The following HECW1 variants were observed in gnomAD, a reference collection of about 807,000 sequenced individuals.
HECW1 encodes the protein HECT, C2 and WW domain containing E3 ubiquitin protein ligase 1.
A neutral mutation model predicts 182.3 loss-of-function variants in HECW1; 61 were observed. That is an observed-to-expected ratio of 0.33 (90% CI 0.27 to 0.41). The LOEUF (loss-of-function observed/expected upper bound fraction) is 0.41, where lower values mean the gene tolerates loss of function less well. Among genes scored for constraint, HECW1 ranks in the 10% least tolerant of loss-of-function variants. HECW1 has a pLI of 1.00. For missense variants in HECW1, 1,739 were observed against 2,108.9 expected, an observed-to-expected ratio of 0.82 and a Z score of 3.44; for synonymous variants, 859 against 832.6, an observed-to-expected ratio of 1.03 and a Z score of -0.55.
chr7:43,132,894 G>C (rs10281837), intron 2 of HECW1, among the ~76,000 whole-genome samples: 49,326 of 151,882 alleles, frequency 0.32, 8,221 homozygotes, highest in Admixed American at 0.36. Context: ...TGAAAGAAGA[G>C]TTCTATTTAG....
chr7:43,511,509 T>TC (rs1415606961), intron 24 of HECW1: 1 of 152,206 alleles, frequency 6.6e-6, no homozygotes, highest in Non-Finnish European at 1.5e-5. Context: ...ATCATGACCC[T>TC]CCATGTGGAA....
intron 26 of HECW1, among the ~76,000 whole-genome samples, chr7:43,543,397 A>G (rs1413080770): frequency 6.6e-6 from 1 of 152,214 alleles, no homozygotes; most frequent in African/African-American, 2.4e-5. Context: ...CTGTAAAAAC[A>G]TGCCTCTGAA....
At chr7:43,501,182 T>G in intron 20 of HECW1, 31 bp from the exon 21 acceptor site, 1 of 1,207,582 alleles carries the variant, frequency 8.3e-7, no homozygotes, top group South Asian at 1.4e-5. Flanking sequence ...TTCTTTTCTT[T>G]CTTTTTTTTT....
chr7:43,501,829 T>TA (rs202125340), intron 21 of HECW1, among the ~76,000 whole-genome samples: 3,336 of 148,298 alleles, frequency 0.022, 100 homozygotes, highest in East Asian at 0.14. Context: ...AGTCCCTATC[T>TA]AAAAAAAAAT....
chr7:43,451,266 A>C (rs1476889171), intron 12 of HECW1, among the ~76,000 whole-genome samples: 1 of 152,248 alleles, frequency 6.6e-6, no homozygotes, highest in East Asian at 1.9e-4. Context: ...TTTTATATTT[A>C]AAATTTGCAG....
At chr7:43,430,593 C>T (rs898396202) in intron 8 of HECW1, among the ~76,000 whole-genome samples, 2 of 151,798 alleles carry the variant, frequency 1.3e-5, no homozygotes, top group Non-Finnish European at 2.9e-5. Flanking sequence ...CTGTTTAAGC[C>T]GATTTGTCTA....
At chr7:43,126,212 T>G (rs1248259051) in intron 2 of HECW1, among the ~76,000 whole-genome samples, 1 of 152,030 alleles carries the variant, frequency 6.6e-6, no homozygotes, top group Non-Finnish European at 1.5e-5. Context: ...CTATTTTCTC[T>G]TGTCCATAAA....
chr7:43,558,408 A>C (rs1040980823), intron 29 of HECW1, among the ~76,000 whole-genome samples: 1 of 152,220 alleles, frequency 6.6e-6, no homozygotes, highest in Non-Finnish European at 1.5e-5. Flanking sequence ...GCCCAGACCC[A>C]GGGTGGAGTT....
intron 2 of HECW1, among the ~76,000 whole-genome samples, chr7:43,186,382 C>A (rs538090450): frequency 6.6e-6 from 1 of 152,152 alleles, no homozygotes; most frequent in African/African-American, 2.4e-5. Flanking sequence ...GATTATGATA[C>A]CATGGCTGGG....
chr7:43,489,628 A>G (rs1227481487), intron 17 of HECW1, among the ~76,000 whole-genome samples: 5 of 152,262 alleles, frequency 3.3e-5, no homozygotes, highest in African/African-American at 7.2e-5. Context: ...ATGGGCAATA[A>G]GAAGGACCAG....
chr7:43,327,597 G>C (rs185244040), intron 5 of HECW1, among the ~76,000 whole-genome samples: 1 of 151,952 alleles, frequency 6.6e-6, no homozygotes, highest in Admixed American at 6.6e-5. Flanking sequence ...GTTATACCTC[G>C]TACTCATGTT....
At chr7:43,271,229 G>T (rs573891551) in intron 3 of HECW1, among the ~76,000 whole-genome samples, 1 of 152,114 alleles carries the variant, frequency 6.6e-6, no homozygotes, top group Non-Finnish European at 1.5e-5. Flanking sequence ...GAACATTAAT[G>T]TATGTTTAAA....
intron 2 of HECW1, among the ~76,000 whole-genome samples, chr7:43,211,373 G>C (rs1795992569): frequency 6.6e-6 from 1 of 152,188 alleles, no homozygotes; most frequent in Non-Finnish European, 1.5e-5. Flanking sequence ...TCTCCTCCGT[G>C]AATGAATGAA....
chr7:43,131,315 T>G (rs1365936483), intron 2 of HECW1, among the ~76,000 whole-genome samples: 3 of 152,288 alleles, frequency 2.0e-5, no homozygotes, highest in African/African-American at 2.4e-5. Context: ...GTGAAAAGTA[T>G]TATTAACTTC....
chr7:43,168,761 A>T (rs1791387249), intron 2 of HECW1, among the ~76,000 whole-genome samples: 1 of 152,226 alleles, frequency 6.6e-6, no homozygotes, highest in African/African-American at 2.4e-5. Context: ...TGAACAGGCA[A>T]TTCACAGAGG....
rs762465599 is a variant in HECW1, at chr7:43,492,164, T to C, written c.3324T>C (p.His1108=). 1.9e-6 allele frequency: 3 copies of C among 1,602,100 alleles called. No homozygotes were observed. The change falls in exon 18 of 30, where the codon CAT becomes CAC. Residue 1108 remains histidine, a synonymous_variant. Transcript: ENST00000395891. ...LVAAIRSQHQ[H]ESLPLAYNDK... ...CTGCTATTCGAAGCCAACATCAACA[T>C]GAGTCATTGCCACTGGGTATGTATC...
intron 29 of HECW1, among the ~76,000 whole-genome samples, chr7:43,559,116 C>T (rs2082126808): frequency 6.6e-6 from 1 of 152,022 alleles, no homozygotes; most frequent in African/African-American, 2.4e-5. Context: ...TTTCTTTGGC[C>T]CTGTGTTGGT....
rs938089850 is a variant in HECW1 at position 43,445,495 on chromosome 7, G to A, written c.2323G>A (p.Ala775Thr). ...TGGGCCGTGGCAAGACGAGCTGGCC[G>A]CCCCTAGCGGGCACGTGGAAAGAAG... ...GAGPWQDELAAPSGHVERSPE... is the reference protein window; with the variant it reads ...GAGPWQDELATPSGHVERSPE... Residue 775 changes from alanine (A) to threonine (T), a missense_variant, in exon 11 of 30, where the codon GCC (alanine) becomes ACC (threonine). Physicochemically the swap from Ala to Thr is moderately conservative, Grantham distance 58. Transcript: ENST00000395891. 2.5e-6 allele frequency: 4 copies of A among 1,611,490 alleles called. No homozygotes were observed. The highest frequency in any genetic ancestry group is 2.2e-5 in the East Asian group (1 of 44,834).
At chr7:43,245,886 G>A (rs1402317146) in intron 3 of HECW1, 1 of 152,186 alleles carries the variant, frequency 6.6e-6, no homozygotes, top group Non-Finnish European at 1.5e-5. Flanking sequence ...ACTCAGTAAA[G>A]GGAATCTATG....
Sources: gnomAD v4.1 joint callset for allele counts (sites outside exome capture counted in the v4.1 genomes callset) on GRCh38, gnomAD v4.1.1 for gene constraint, MANE v1.5 for transcripts, NCBI Gene and HGNC (gene_info 2026-07-23, HGNC 2026-07-21) for gene names.